RTP2: variants seen among roughly 807,000 people sequenced by gnomAD.
The protein encoded by RTP2 is receptor-transporting protein 2.
In RTP2, 12 loss-of-function variants were observed where a neutral mutation model predicts 17.9. The observed-to-expected ratio is 0.67, with a 90% CI of 0.43 to 1.09. The LOEUF (loss-of-function observed/expected upper bound fraction) is 1.09, where lower values mean the gene tolerates loss of function less well. RTP2 is among the 50% of genes least tolerant of loss of function. The pLI, the probability that RTP2 is intolerant of heterozygous loss-of-function variation, is 0.00. For missense variants in RTP2, 327 were observed against 295.7 expected, an observed-to-expected ratio of 1.11 and a Z score of -0.78; for synonymous variants, 126 against 117.7, an observed-to-expected ratio of 1.07 and a Z score of -0.46.
chr3:187,702,548 G>A (rs138222951), exon 1 of RTP2: 38 of 457,912 alleles, frequency 8.3e-5, no homozygotes, highest in African/African-American at 5.0e-4. Context: ...TGGTAAGTAC[G>A]ACACCCTAGG....
the RTP2 span, among the ~76,000 whole-genome samples, chr3:187,712,202 C>T: frequency 6.6e-6 from 1 of 152,132 alleles, no homozygotes. Context: ...CCCACTGAGT[C>T]AACTTCCTGG....
chr3:187,704,665 T>C (rs1222348655), upstream of RTP2, among the ~76,000 whole-genome samples: 6 of 152,236 alleles, frequency 3.9e-5, no homozygotes, highest in African/African-American at 7.2e-5. Flanking sequence ...TCTTCTCCTG[T>C]GTCTCCGCAA....
chr3:187,706,568 T>C (rs954346674), upstream of RTP2, among the ~76,000 whole-genome samples: 2 of 152,150 alleles, frequency 1.3e-5, no homozygotes, highest in African/African-American at 2.4e-5. Flanking sequence ...GAAGAACCAA[T>C]GCATGCCTCA....
chr3:187,710,949 C>T, the RTP2 span, among the ~76,000 whole-genome samples: 1 of 152,010 alleles, frequency 6.6e-6, no homozygotes, highest in African/African-American at 2.4e-5. Flanking sequence ...TTCTAGGTGC[C>T]GAATTAGAAA....
the RTP2 span, among the ~76,000 whole-genome samples, chr3:187,711,546 A>G: frequency 6.6e-6 from 1 of 152,220 alleles, no homozygotes; most frequent in Non-Finnish European, 1.5e-5. Context: ...TGTGGTCTGT[A>G]TGGCACCAAT....
At chr3:187,706,017 A>AAGAT (rs1409293880), upstream of RTP2, among the ~76,000 whole-genome samples, 5 of 152,248 alleles carry the variant, frequency 3.3e-5, no homozygotes, top group African/African-American at 1.2e-4. Flanking sequence ...TTGGAACCAG[A>AAGAT]AGATACACAG....
the RTP2 span, among the ~76,000 whole-genome samples, chr3:187,714,999 A>C: frequency 3.0e-4 from 45 of 152,216 alleles, no homozygotes; most frequent in African/African-American, 1.0e-3. Flanking sequence ...AAAACAAAGA[A>C]AGACACAACT....
the RTP2 span, among the ~76,000 whole-genome samples, chr3:187,713,474 A>G: frequency 1.3e-5 from 2 of 152,188 alleles, no homozygotes; most frequent in Non-Finnish European, 1.5e-5. Flanking sequence ...AAACGAAAGT[A>G]TACTCCACAG....
the RTP2 span, among the ~76,000 whole-genome samples, chr3:187,712,026 G>T: frequency 2.0e-5 from 3 of 152,212 alleles, no homozygotes; most frequent in Non-Finnish European, 4.4e-5. Context: ...AGCACAAATG[G>T]TCTTCGAGAT....
the RTP2 span, among the ~76,000 whole-genome samples, chr3:187,714,877 G>C: frequency 6.6e-6 from 1 of 152,006 alleles, no homozygotes; most frequent in African/African-American, 2.4e-5. Flanking sequence ...TGAAGAATAG[G>C]GTGCACCAGG....
At chr3:187,698,928 C>T (rs759567430) in exon 2 of RTP2, 2 of 1,609,844 alleles carry the variant, frequency 1.2e-6, no homozygotes, top group South Asian at 1.1e-5. Flanking sequence ...CGAGCCCGCC[C>T]GCTGGGCGCG....
chr3:187,702,529 C>A lies in RTP2; in HGVS notation c.-401G>T. 2 of 460,332 alleles carry A rather than the reference C, an allele frequency of 4.3e-6. No individual in the cohort carries two copies. Among genetic ancestry groups the A allele is most frequent in the Non-Finnish European group, 4.4e-6 (1 of 229,428 alleles). 28.5% of individuals were successfully genotyped at this position (460,332 alleles called of 1,614,324 possible). A position where few individuals can be genotyped will look rare whatever the true frequency, so the allele number is the denominator to read the frequency against. ...ACTGCTCTTCTAGCATTCTCCACAT[C>A]ATGTGCTATGGTAAGTACGACACCC... On this transcript the variant is annotated 5_prime_UTR_variant, in exon 1 of 2. It removes an upstream start codon present in the reference 5' UTR. Transcript: ENST00000358241.
At chr3:187,704,296 A>G (rs930515978), upstream of RTP2, among the ~76,000 whole-genome samples, 1 of 152,212 alleles carries the variant, frequency 6.6e-6, no homozygotes, top group African/African-American at 2.4e-5. Flanking sequence ...TTATTATTCA[A>G]TTTTACTTAT....
chr3:187,703,731 T>C (rs1275529786), upstream of RTP2, among the ~76,000 whole-genome samples: 1 of 152,190 alleles, frequency 6.6e-6, no homozygotes, highest in Non-Finnish European at 1.5e-5. Context: ...GCTTATGGCC[T>C]GGCCTAGACC....
the RTP2 span, among the ~76,000 whole-genome samples, chr3:187,711,364 A>G: frequency 2.0e-5 from 3 of 152,234 alleles, no homozygotes; most frequent in Non-Finnish European, 4.4e-5. Context: ...TGCACCATGC[A>G]CTATGCCATT....
chr3:187,703,419 T>C (rs187182820), upstream of RTP2, among the ~76,000 whole-genome samples: 1 of 152,348 alleles, frequency 6.6e-6, no homozygotes, highest in East Asian at 1.9e-4. Flanking sequence ...AGTGTTACTC[T>C]AGCGGCTTTG....
the RTP2 span, among the ~76,000 whole-genome samples, chr3:187,707,747 T>C: frequency 3.9e-5 from 6 of 152,228 alleles, no homozygotes; most frequent in Non-Finnish European, 8.8e-5. Flanking sequence ...ATATCAACAA[T>C]GTGCTATTTA....
Position 187,698,974 on chromosome 3 carries a change from CA to C in RTP2, c.201del (p.Ala68ProfsTer109), listed in dbSNP as rs113892051. On this transcript the variant is annotated frameshift_variant, in exon 2 of 2. Transcript: ENST00000358241. LOFTEE classifies it high-confidence loss of function. ...ATGTGGAAGAGGATGACCACATGGGCAGACTGCCAGGTGTGCCAGCACCAGG... is the reference window on the plus strand; with the variant it reads ...ATGTGGAAGAGGATGACCACATGGGCGACTGCCAGGTGTGCCAGCACCAGG... 2.6e-3 allele frequency: 4,075 copies of C among 1,596,570 alleles called. 104 individuals are homozygous for C. The African/African-American group carries it at 0.041, about 16-fold the overall frequency.
chr3:187,698,484 C>T lies in RTP2; in HGVS notation c.*14G>A, dbSNP rs142132666. 3 of 1,591,156 alleles carry T rather than the reference C, an allele frequency of 1.9e-6. No homozygotes were observed. In the East Asian group the frequency reaches 6.7e-5, roughly 36 times the overall value. ...TCAAGCCCATGTGCCCTCTCCCACC[C>T]TTAACCAGCTCCACTAAAAGAAGGC... On this transcript the variant is annotated 3_prime_UTR_variant, in exon 2 of 2. Transcript: ENST00000358241.
Sources: allele counts gnomAD v4.1 joint callset (sites outside exome capture counted in the v4.1 genomes callset), GRCh38; gene constraint gnomAD v4.1.1; transcripts MANE v1.5; gene names NCBI Gene and HGNC (gene_info 2026-07-23, HGNC 2026-07-21).